XRN2: variants seen among roughly 807,000 people sequenced by gnomAD.
XRN2 encodes DHM1-like protein.
In XRN2, 44 loss-of-function variants were observed where a neutral mutation model predicts 138.5. The observed-to-expected ratio is 0.32, with a 90% CI of 0.25 to 0.41. The LOEUF is 0.41. Among genes scored for constraint, XRN2 ranks in the 10% least tolerant of loss-of-function variants. XRN2 has a pLI of 1.00. For synonymous variants in XRN2, 354 were observed against 369.4 expected, an observed-to-expected ratio of 0.96 and a Z score of 0.48; for missense variants, 937 against 1,169.3, an observed-to-expected ratio of 0.80 and a Z score of 2.90.
chr20:21,379,262 C>A (rs938711734), intron 27 of XRN2, among the ~76,000 whole-genome samples: 1 of 152,068 alleles, frequency 6.6e-6, no homozygotes, highest in African/African-American at 2.4e-5. Flanking sequence ...TTTTTTTCTT[C>A]CTCTCAAATG....
intron 15 of XRN2, among the ~76,000 whole-genome samples, chr20:21,341,405 G>A (rs1449840135): frequency 1.3e-5 from 2 of 152,152 alleles, no homozygotes; most frequent in East Asian, 3.9e-4. Flanking sequence ...TCTTAAGGTA[G>A]CACTTACTGG....
chr20:21,381,303 G>A (rs1242894190), intron 27 of XRN2, among the ~76,000 whole-genome samples: 1 of 152,202 alleles, frequency 6.6e-6, no homozygotes, highest in Non-Finnish European at 1.5e-5. Flanking sequence ...TGAAGTGACT[G>A]CAAGCTGTGG....
chr20:21,334,185 G>T lies in XRN2; in HGVS notation c.1233G>T (p.Glu411Asp). 6.2e-7 allele frequency: 1 copy of T among 1,612,288 alleles called. No homozygotes were observed. Among genetic ancestry groups the T allele is most frequent in the South Asian group, 1.1e-5 (1 of 90,808 alleles). ...DSIFKKRKDD[E>D]DSFRRRQKEK... ...TTTTTAAAAAGAGAAAGGATGATGA[G>T]GTAAAGTGTTTCTATTGCAGTAGCT... Residue 411 changes from glutamate (E) to aspartate (D), a missense_variant and splice_region_variant, in exon 13 of 30, where the codon GAG becomes GAT. Coordinates refer to ENST00000377191, the MANE Select transcript of XRN2 (RefSeq NM_012255.5).
chr20:21,351,873 T>A (rs1399645329), intron 20 of XRN2, among the ~76,000 whole-genome samples: 6 of 152,234 alleles, frequency 3.9e-5, no homozygotes, highest in Non-Finnish European at 8.8e-5. Flanking sequence ...GTTGGCACTC[T>A]TTGTTGAAAA....
chr20:21,379,469 C>G (rs552280976), intron 27 of XRN2, among the ~76,000 whole-genome samples: 11 of 152,118 alleles, frequency 7.2e-5, no homozygotes, highest in African/African-American at 2.7e-4. Flanking sequence ...GGATTGAAAA[C>G]AAGGAGTGTT....
chr20:21,309,845 A>T (rs2037855160), intron 1 of XRN2, among the ~76,000 whole-genome samples: 1 of 151,772 alleles, frequency 6.6e-6, no homozygotes, highest in Non-Finnish European at 1.5e-5. Context: ...GATACTTGTA[A>T]TTCTACTTTC....
intron 28 of XRN2, among the ~76,000 whole-genome samples, chr20:21,385,236 T>G (rs1480385608): frequency 6.6e-6 from 1 of 152,192 alleles, no homozygotes; most frequent in Non-Finnish European, 1.5e-5. Flanking sequence ...AAAGAAAAAC[T>G]GATCACAGTT....
In XRN2 at chr20:21,365,709, G is replaced by A; in HGVS notation, c.2456+5G>A. ...GGCAGCCTTCAGGACTTTGGGGTGA[G>A]TTGTCAGTTTTTAGCCCTTGTATAT... On this transcript the variant is annotated splice_donor_5th_base_variant and intron_variant, in intron 26 of 29. Coordinates refer to ENST00000377191, the MANE Select transcript of XRN2 (RefSeq NM_012255.5). 1 of 1,602,276 alleles carries A rather than the reference G, an allele frequency of 6.2e-7. No homozygotes were observed. The highest frequency in any genetic ancestry group is 8.5e-7 in the Non-Finnish European group (1 of 1,175,364).
chr20:21,328,556 CA>C lies in XRN2; in HGVS notation c.316-2del, dbSNP rs2038160221. On this transcript the variant is annotated splice_acceptor_variant, in intron 3 of 29. Transcript: ENST00000377191. LOFTEE classifies it high-confidence loss of function. Reference sequence around the variant, plus strand: ...TGTTATGGAATATGAAATACATTTTCAGGCACCACGTGCTAAAATGAACCAG... The same window carrying C: ...TGTTATGGAATATGAAATACATTTTCGGCACCACGTGCTAAAATGAACCAG... The C allele has an allele frequency of 6.2e-7, 1 of 1,612,184 alleles. No individual in the cohort carries two copies. The highest frequency in any genetic ancestry group is 1.3e-5 in the African/African-American group (1 of 74,888).
intron 24 of XRN2, among the ~76,000 whole-genome samples, chr20:21,359,892 C>G (rs1466973913): frequency 6.6e-6 from 1 of 151,846 alleles, no homozygotes; most frequent in East Asian, 1.9e-4. Context: ...TTTTTTTCCT[C>G]TTCCTTATTT....
At chr20:21,341,054 C>CGTA (rs141054974) in intron 15 of XRN2, among the ~76,000 whole-genome samples, 21,373 of 152,010 alleles carry the variant, frequency 0.14, 1,847 homozygotes, top group Non-Finnish European at 0.19. Context: ...AAGAAGAGCA[C>CGTA]GTAGGATTGT....
intron 4 of XRN2, among the ~76,000 whole-genome samples, chr20:21,330,218 A>G (rs1185226350): frequency 1.3e-5 from 2 of 152,126 alleles, no homozygotes; most frequent in Non-Finnish European, 2.9e-5. Flanking sequence ...CGGAAGGCGG[A>G]GGTTGCAGTG....
At chr20:21,354,347 G>A (rs1407681098) in intron 20 of XRN2, among the ~76,000 whole-genome samples, 1 of 152,150 alleles carries the variant, frequency 6.6e-6, no homozygotes, top group Non-Finnish European at 1.5e-5. Context: ...ACAGAATTGA[G>A]TATTTTAGTT....
chr20:21,312,674 A>G (rs942167416), intron 1 of XRN2, among the ~76,000 whole-genome samples: 2 of 149,176 alleles, frequency 1.3e-5, no homozygotes, highest in Non-Finnish European at 3.0e-5. Context: ...CAGTGGTGCA[A>G]TCTCTGCTCA....
chr20:21,345,284 A>G (rs1018759403), intron 16 of XRN2, among the ~76,000 whole-genome samples: 8 of 152,182 alleles, frequency 5.3e-5, no homozygotes, highest in Admixed American at 5.2e-4. Flanking sequence ...ATCCTAGAGG[A>G]AATCATTGTT....
intron 17 of XRN2, 111 bp from the exon 18 acceptor site, chr20:21,348,034 GT>G (rs1412256621): frequency 1.2e-6 from 1 of 841,288 alleles, no homozygotes; most frequent in African/African-American, 1.8e-5. Flanking sequence ...CAGAAGTCAT[GT>G]GTTTTATAAG....
chr20:21,320,744 A>G (rs1600676468), intron 1 of XRN2, among the ~76,000 whole-genome samples: 1 of 151,856 alleles, frequency 6.6e-6, no homozygotes, highest in East Asian at 1.9e-4. Context: ...ACAGGCATGC[A>G]CCACCACACC....
intron 1 of XRN2, among the ~76,000 whole-genome samples, chr20:21,311,883 C>G (rs1234681362): frequency 6.6e-6 from 1 of 152,056 alleles, no homozygotes; most frequent in African/African-American, 2.4e-5. Context: ...ATAAACCCAG[C>G]TACTCAGGAG....
intron 1 of XRN2, chr20:21,303,791 C>T: frequency 2.7e-6 from 3 of 1,114,188 alleles, no homozygotes; most frequent in Non-Finnish European, 3.3e-6. Flanking sequence ...CTCTCCAGAC[C>T]GCGCATTTTG....
Sources: gnomAD v4.1 joint callset for allele counts (sites outside exome capture counted in the v4.1 genomes callset) on GRCh38, gnomAD v4.1.1 for gene constraint, MANE v1.5 for transcripts, NCBI Gene and HGNC (gene_info 2026-07-23, HGNC 2026-07-21) for gene names.